Variants in GTF2A2 observed in about 807,000 individuals in gnomAD.
GTF2A2 encodes general transcription factor IIA subunit 2.
GTF2A2 carries 9 observed loss-of-function variants against 14.3 expected under a neutral mutation model. The ratio of observed to expected loss-of-function variants is 0.63; its 90% CI spans 0.38 to 1.10. The LOEUF (loss-of-function observed/expected upper bound fraction) is 1.10. GTF2A2 is among the 50% of genes least tolerant of loss of function. The probability of loss-of-function intolerance (pLI) is 0.01; values close to 1 mark genes in which losing one functional copy is unlikely to be tolerated. For missense variants in GTF2A2, 90 were observed against 124.6 expected, an observed-to-expected ratio of 0.72 and a Z score of 1.32; for synonymous variants, 56 against 46.0, an observed-to-expected ratio of 1.22 and a Z score of -0.88.
intron 2 of GTF2A2, 101 bp from the exon 3 acceptor site, chr15:59,650,874 C>A: frequency 1.5e-6 from 1 of 657,640 alleles, no homozygotes; most frequent in South Asian, 1.9e-5. Context: ...CTGAGGTTAA[C>A]CAAAGCCTCT....
Position 59,639,033 on chromosome 15 carries a change from A to C in GTF2A2, c.*99T>G, listed in dbSNP as rs529910428. 3.5e-5 allele frequency: 27 copies of C among 760,990 alleles called. 2 individuals carry two copies. The South Asian group carries it at 3.9e-4, about 11-fold the overall frequency. 47.1% of individuals were successfully genotyped at this position (760,990 alleles called of 1,614,324 possible). On this transcript the variant is annotated 3_prime_UTR_variant, in exon 5 of 5. Transcript: ENST00000396060. ...TTCTCTGGTATAGCACAGTGTAGTC[A>C]TTTCTGCAATTCTAGAATAAATAAA...
intron 4 of GTF2A2, 124 bp downstream of exon 4, chr15:59,642,012 C>T: frequency 1.4e-6 from 1 of 735,716 alleles, no homozygotes; most frequent in Non-Finnish European, 2.2e-6. Flanking sequence ...AAAGCCTGGG[C>T]TTATCTGGGA....
At chr15:59,656,138 TCTTTGA>T (rs1306846054) in intron 1 of GTF2A2, among the ~76,000 whole-genome samples, 71 of 152,288 alleles carry the variant, frequency 4.7e-4, no homozygotes, top group African/African-American at 1.7e-3. Flanking sequence ...TACCATGATC[TCTTTGA>T]CTTTATCTTC....
chr15:59,640,307 TCAGTAAAATAC>T (rs1265403718), intron 4 of GTF2A2: 1 of 152,212 alleles, frequency 6.6e-6, no homozygotes, highest in East Asian at 1.9e-4. Context: ...GGAGCTCCTA[TCAGTAAAATAC>T]GTATCTTTAC....
chr15:59,655,231 C>G (rs564771648), intron 1 of GTF2A2, among the ~76,000 whole-genome samples: 1 of 152,186 alleles, frequency 6.6e-6, no homozygotes, highest in Non-Finnish European at 1.5e-5. Flanking sequence ...AAAACAAAAA[C>G]CCCTCAACCC....
At chr15:59,640,366 T>C (rs1891369966) in intron 4 of GTF2A2, 1 of 152,356 alleles carries the variant, frequency 6.6e-6, no homozygotes, top group African/African-American at 2.4e-5. Context: ...ATTTATTCTG[T>C]TCAGAGGCTT....
intron 4 of GTF2A2, chr15:59,640,293 G>A (rs941862482): frequency 1.3e-5 from 2 of 152,136 alleles, no homozygotes; most frequent in African/African-American, 4.8e-5. Flanking sequence ...AGGACTACCA[G>A]ACAGGAGCTC....
rs34672716 is a variant in GTF2A2, at chr15:59,646,033, T to TAAA, written c.178-3774_178-3772dup. Among the ~76,000 whole-genome samples, 96 of 138,004 alleles carry TAAA rather than the reference T, an allele frequency of 7.0e-4. 1 individual carries two copies. The highest frequency in any genetic ancestry group is 1.8e-3 in the African/African-American group (67 of 37,228). 90.5% of individuals were successfully genotyped at this position (138,004 alleles called of 152,430 possible). The stretch of plus-strand genomic sequence containing the variant: ...TGAGTGACAGAGTAAGGCTCCGCCT[T>TAAA]AAAAAAAAAAAAAAAAGTGTGTATA... On this transcript the variant is annotated intron_variant, in intron 3 of 4. Transcript: ENST00000396060.
intron 1 of GTF2A2, among the ~76,000 whole-genome samples, chr15:59,656,424 TTC>T (rs1293769314): frequency 1.1e-5 from 1 of 91,274 alleles, no homozygotes; most frequent in East Asian, 2.3e-4. Context: ...TCCTTTATAT[TTC>T]TCTTTTTTTT....
chr15:59,642,844 G>GCAACCT (rs1452959709), intron 3 of GTF2A2, among the ~76,000 whole-genome samples: 1 of 152,110 alleles, frequency 6.6e-6, no homozygotes, highest in African/African-American at 2.4e-5. Flanking sequence ...TTGGCTCACT[G>GCAACCT]CAACCTCCAC....
intron 4 of GTF2A2, 56 bp from the exon 5 acceptor site, chr15:59,639,213 A>G: frequency 4.7e-6 from 5 of 1,056,756 alleles, no homozygotes. Flanking sequence ...ATTTAATTTT[A>G]CAATTAACTA....
At chr15:59,656,438 T>G (rs1365912345) in intron 1 of GTF2A2, among the ~76,000 whole-genome samples, 3 of 151,914 alleles carry the variant, frequency 2.0e-5, no homozygotes, top group African/African-American at 7.3e-5. Flanking sequence ...CTTTTTTTTT[T>G]TGATGGCACC....
At chr15:59,645,229 TAAGTCATGATGTCC>T (rs1365086136) in intron 3 of GTF2A2, among the ~76,000 whole-genome samples, 11 of 152,132 alleles carry the variant, frequency 7.2e-5, no homozygotes, top group African/African-American at 2.7e-4. Flanking sequence ...CAGGTATATC[TAAGTCATGATGTCC>T]AATAAGTAAT....
intron 4 of GTF2A2, among the ~76,000 whole-genome samples, chr15:59,639,824 C>T (rs759716256): frequency 6.6e-6 from 1 of 152,084 alleles, no homozygotes; most frequent in African/African-American, 2.4e-5. Context: ...AATCTCAGCT[C>T]ACTGCAATCT....
rs1566921820 is a variant in GTF2A2 at position 59,639,125 on chromosome 15, T to C, written c.*7A>G. 7 of 1,428,716 alleles carry C rather than the reference T, an allele frequency of 4.9e-6. No homozygotes were observed. Among genetic ancestry groups the C allele is most frequent in the Non-Finnish European group, 4.9e-6 (5 of 1,013,792 alleles). The allele number at this position is 1,428,716 out of a possible 1,614,324, so 88.5% of individuals were successfully genotyped here. ...AAGATGGTGTAAAAAAGTCATATTT[T>C]TTCTATTCATTCTGTAGTATTGGAG... On this transcript the variant is annotated 3_prime_UTR_variant, in exon 5 of 5. Coordinates refer to ENST00000396060, the MANE Select transcript of GTF2A2 (RefSeq NM_004492.3).
At chr15:59,651,352 T>C (rs1160805144) in intron 2 of GTF2A2, 1 of 152,298 alleles carries the variant, frequency 6.6e-6, no homozygotes, top group Non-Finnish European at 1.5e-5. Flanking sequence ...TAATTTTATA[T>C]TTTTAGTAGA....
intron 3 of GTF2A2, among the ~76,000 whole-genome samples, chr15:59,645,335 G>A (rs192289912): frequency 2.0e-5 from 3 of 152,224 alleles, no homozygotes; most frequent in South Asian, 2.1e-4. Flanking sequence ...GACAGCGGAC[G>A]CACGCTGTAA....
Position 59,650,761 on chromosome 15 carries a change from T to A in GTF2A2, c.85A>T (p.Thr29Ser), listed in dbSNP as rs768113863. ...AGAACTTGAAGGGCAAGTTGGGGGG[T>A]GATCTGTTGAGACTGAGAAAAGGTA... ...LDELIQSQQI[T>S]PQLALQVLLQ... The change falls in exon 3 of 5, where the codon ACC (threonine) becomes TCC (serine). Residue 29 changes from threonine (T) to serine (S), a missense_variant. Coordinates refer to ENST00000396060, the MANE Select transcript of GTF2A2 (RefSeq NM_004492.3). 2 of 1,593,652 alleles carry A rather than the reference T, an allele frequency of 1.3e-6. No individual in the cohort carries two copies. The highest frequency in any genetic ancestry group is 3.3e-5 in the Admixed American group (2 of 59,942).
At chr15:59,648,823 A>ACAGT in intron 3 of GTF2A2, among the ~76,000 whole-genome samples, 1 of 152,120 alleles carries the variant, frequency 6.6e-6, no homozygotes, top group African/African-American at 2.4e-5. Flanking sequence ...AGTCCCAGCT[A>ACAGT]CTCGGGGGGC....
Sources: gnomAD v4.1 joint callset for allele counts (sites outside exome capture counted in the v4.1 genomes callset) on GRCh38, gnomAD v4.1.1 for gene constraint, MANE v1.5 for transcripts, NCBI Gene and HGNC (gene_info 2026-07-23, HGNC 2026-07-21) for gene names.